GLIS3: variants seen among roughly 807,000 people sequenced by gnomAD.
GLIS3 encodes zinc finger protein GLIS3.
In GLIS3, 53 loss-of-function variants were observed where a neutral mutation model predicts 78.6. That is an observed-to-expected ratio of 0.67 (90% CI 0.54 to 0.85). The LOEUF is 0.85. Among genes scored for constraint, GLIS3 ranks in the 40% least tolerant of loss-of-function variants. The pLI, the probability that GLIS3 is intolerant of heterozygous loss-of-function variation, is 0.00. For missense variants in GLIS3, 1,703 were observed against 1,231.1 expected (o/e 1.38, Z -5.74); for synonymous variants, 684 against 509.9 (o/e 1.34, Z -4.60).
At chr9:3,969,180 C>T (rs1276271615) in intron 4 of GLIS3, among the ~76,000 whole-genome samples, 1 of 152,176 alleles carries the variant, frequency 6.6e-6, no homozygotes, top group Non-Finnish European at 1.5e-5. Context: ...AACAATGAGC[C>T]TCACTGTTCG....
At position 4,049,808 on chromosome 9, in the gene GLIS3, G is replaced by A. The variant is rs546943779; in HGVS notation, c.1710+67960C>T. 6.5e-4 allele frequency among the ~76,000 whole-genome samples: 99 copies of A among 152,122 alleles called. 2 individuals are homozygous for A. Among genetic ancestry groups the A allele is most frequent in the Middle Eastern group, 3.4e-3 (1 of 294 alleles). ...CAAAGGATATGAACAGACACTTCTC[G>A]AAAGAAGACATTTATGCAGCCAACA... On this transcript the variant is annotated intron_variant, in intron 4 of 10. Coordinates refer to ENST00000381971, the MANE Select transcript of GLIS3 (RefSeq NM_001042413.2).
At chr9:3,877,051 TG>T (rs1218471986) in intron 8 of GLIS3, among the ~76,000 whole-genome samples, 2 of 152,172 alleles carry the variant, frequency 1.3e-5, no homozygotes, top group African/African-American at 2.4e-5. Flanking sequence ...TGATCGTTTT[TG>T]TCTTATATTC....
intron 2 of GLIS3, among the ~76,000 whole-genome samples, chr9:4,274,885 C>G (rs1257335449): frequency 6.6e-6 from 1 of 152,134 alleles, no homozygotes; most frequent in Non-Finnish European, 1.5e-5. Context: ...ACTGCTGGTC[C>G]TCAAATTATA....
chr9:4,196,976 T>G (rs1818917180), intron 2 of GLIS3, among the ~76,000 whole-genome samples: 1 of 152,174 alleles, frequency 6.6e-6, no homozygotes, highest in Non-Finnish European at 1.5e-5. Context: ...GAGCATCTGC[T>G]TGCCTGGACC....
At chr9:4,174,511 T>C (rs577654396) in intron 2 of GLIS3, among the ~76,000 whole-genome samples, 1 of 152,186 alleles carries the variant, frequency 6.6e-6, no homozygotes. Context: ...TATCTTAGGA[T>C]CATCAAAAGA....
chr9:4,216,566 G>C (rs1433382237), intron 2 of GLIS3, among the ~76,000 whole-genome samples: 2 of 151,866 alleles, frequency 1.3e-5, no homozygotes, highest in African/African-American at 4.8e-5. Flanking sequence ...TGGACTTAGA[G>C]CCCCAGCCAG....
intron 4 of GLIS3, among the ~76,000 whole-genome samples, chr9:4,095,804 C>A (rs1291651264): frequency 6.6e-6 from 1 of 152,094 alleles, no homozygotes; most frequent in Non-Finnish European, 1.5e-5. Context: ...TGTAGTTCTC[C>A]AATACGTCTC....
chr9:4,472,507 A>G, the GLIS3 span, among the ~76,000 whole-genome samples: 1 of 152,054 alleles, frequency 6.6e-6, no homozygotes, highest in African/African-American at 2.4e-5. Context: ...TATCACAAGG[A>G]CAGAAAAACA....
At chr9:4,308,175 C>T (rs993268288) in intron 4 of GLIS3, among the ~76,000 whole-genome samples, 2 of 152,122 alleles carry the variant, frequency 1.3e-5, no homozygotes, top group Admixed American at 6.6e-5. Flanking sequence ...ATCTGAAAGC[C>T]TTAACCCTGC....
chr9:4,094,679 G>A (rs537988116), intron 4 of GLIS3, among the ~76,000 whole-genome samples: 3 of 152,228 alleles, frequency 2.0e-5, no homozygotes, highest in East Asian at 3.9e-4. Flanking sequence ...CAGTGTTAAA[G>A]GACCATGCCT....
At chr9:4,222,852 A>G (rs1821448089) in intron 2 of GLIS3, among the ~76,000 whole-genome samples, 1 of 152,232 alleles carries the variant, frequency 6.6e-6, no homozygotes, top group Non-Finnish European at 1.5e-5. Context: ...AGATTCTAGC[A>G]TTCCATTTCT....
At chr9:4,096,780 G>A (rs149035711) in intron 4 of GLIS3, among the ~76,000 whole-genome samples, 3 of 152,186 alleles carry the variant, frequency 2.0e-5, no homozygotes, top group African/African-American at 4.8e-5. Context: ...GGGAGGCCAA[G>A]GCAGGTGGAT....
At chr9:3,937,263 A>C in intron 4 of GLIS3, 74 bp from the exon 5 acceptor site, 1 of 1,505,510 alleles carries the variant, frequency 6.6e-7, no homozygotes, top group Middle Eastern at 1.7e-4. Flanking sequence ...GCTAAAAAAA[A>C]AATGTTCTTA....
At chr9:4,388,466 C>G in the GLIS3 span, among the ~76,000 whole-genome samples, 1 of 151,784 alleles carries the variant, frequency 6.6e-6, no homozygotes, top group Admixed American at 6.6e-5. Context: ...ATCACGAGGT[C>G]AGGAGTTCGA....
intron 8 of GLIS3, among the ~76,000 whole-genome samples, 154 bp from the exon 9 acceptor site, chr9:3,856,338 C>A (rs553658031): frequency 8.4e-4 from 128 of 152,186 alleles, no homozygotes; most frequent in African/African-American, 2.9e-3. Flanking sequence ...TTTTCTCTAC[C>A]CTCTCTCCCT....
At chr9:4,371,406 C>T in the GLIS3 span, among the ~76,000 whole-genome samples, 1 of 152,238 alleles carries the variant, frequency 6.6e-6, no homozygotes, top group South Asian at 2.1e-4. Context: ...CTCCTCCTCC[C>T]CATAAGTGCT....
chr9:4,141,898 G>A (rs1833843890), intron 2 of GLIS3, among the ~76,000 whole-genome samples: 1 of 152,134 alleles, frequency 6.6e-6, no homozygotes, highest in South Asian at 2.1e-4. Context: ...TTTATTTAAT[G>A]CTATTTTTTA....
At chr9:4,270,992 A>T (rs933434769) in intron 2 of GLIS3, among the ~76,000 whole-genome samples, 4 of 151,776 alleles carry the variant, frequency 2.6e-5, no homozygotes, top group South Asian at 2.1e-4. Context: ...ACTTAAATAT[A>T]AATTATTCTG....
In GLIS3 at chr9:4,053,480, G is replaced by C. The variant is rs146499804; in HGVS notation, c.1710+64288C>G. Among the ~76,000 whole-genome samples, 56 of 152,066 alleles carry C rather than the reference G, an allele frequency of 3.7e-4. No homozygotes were observed. The East Asian group carries it at 9.8e-3, about 27-fold the overall frequency. ...CCCCAAATTATTTAATCATTCACTAGTTAATTGTCTACTTCTCTTCCTTTC... is the reference window on the plus strand; with the variant it reads ...CCCCAAATTATTTAATCATTCACTACTTAATTGTCTACTTCTCTTCCTTTC... On this transcript the variant is annotated intron_variant, in intron 4 of 10. Coordinates refer to ENST00000381971, the MANE Select transcript of GLIS3 (RefSeq NM_001042413.2).
Sources: allele counts gnomAD v4.1 joint callset (sites outside exome capture counted in the v4.1 genomes callset), GRCh38; gene constraint gnomAD v4.1.1; transcripts MANE v1.5; gene names NCBI Gene and HGNC (gene_info 2026-07-23, HGNC 2026-07-21).